The following TRAPPC9 variants were observed in gnomAD, a reference collection of about 807,000 sequenced individuals.
TRAPPC9 encodes IKK2 binding protein.
TRAPPC9 carries 83 observed loss-of-function variants against 124.0 expected under a neutral mutation model. The ratio of observed to expected loss-of-function variants is 0.67; its 90% CI spans 0.56 to 0.80. TRAPPC9 has a LOEUF of 0.80. TRAPPC9 is among the 30% of genes least tolerant of loss of function. The pLI is 0.00. For synonymous variants in TRAPPC9, 638 were observed against 617.5 expected (o/e 1.03, Z -0.49); for missense variants, 1,302 against 1,508.3 (o/e 0.86, Z 2.27).
chr8:140,388,128 A>C (rs1348639977), intron 7 of TRAPPC9, among the ~76,000 whole-genome samples: 1 of 151,190 alleles, frequency 6.6e-6, no homozygotes, highest in Non-Finnish European at 1.5e-5. Flanking sequence ...CAAGGACAAA[A>C]AAACAAACAC....
intron 21 of TRAPPC9, among the ~76,000 whole-genome samples, chr8:139,767,218 C>G (rs1351721044): frequency 6.6e-6 from 1 of 152,220 alleles, no homozygotes; most frequent in Non-Finnish European, 1.5e-5. Context: ...GGCGTAGGGA[C>G]TAGCCCACAT....
intron 17 of TRAPPC9, among the ~76,000 whole-genome samples, chr8:140,120,424 T>G (rs2060962051): frequency 6.6e-6 from 1 of 152,226 alleles, no homozygotes; most frequent in Non-Finnish European, 1.5e-5. Context: ...TATAGAGTGC[T>G]TCTCCCAGGA....
intron 16 of TRAPPC9, among the ~76,000 whole-genome samples, chr8:140,227,635 G>A (rs1248076807): frequency 6.6e-6 from 1 of 152,172 alleles, no homozygotes; most frequent in Non-Finnish European, 1.5e-5. Context: ...GATGACAATT[G>A]GGGAAAATGA....
At chr8:140,079,701 G>A (rs1843708523) in intron 17 of TRAPPC9, among the ~76,000 whole-genome samples, 1 of 152,198 alleles carries the variant, frequency 6.6e-6, no homozygotes, top group Admixed American at 6.5e-5. Flanking sequence ...GAGGCCAAGA[G>A]GGCGGATTGC....
At chr8:139,750,450 T>C (rs1483216255) in intron 21 of TRAPPC9, among the ~76,000 whole-genome samples, 1 of 152,192 alleles carries the variant, frequency 6.6e-6, no homozygotes, top group Non-Finnish European at 1.5e-5. Flanking sequence ...TTGTATTTAT[T>C]GCTGGGTCTC....
chr8:140,365,441 T>C (rs140000465), intron 8 of TRAPPC9, among the ~76,000 whole-genome samples: 2 of 152,328 alleles, frequency 1.3e-5, no homozygotes, highest in African/African-American at 4.8e-5. Context: ...TGAAGCCATT[T>C]ACCATGAGGC....
intron 21 of TRAPPC9, among the ~76,000 whole-genome samples, chr8:139,798,944 G>C (rs753989423): frequency 6.6e-6 from 1 of 151,938 alleles, no homozygotes; most frequent in African/African-American, 2.4e-5. Context: ...CAAGCTTTTC[G>C]GGGCCACTGG....
chr8:140,120,622 GTCCAACA>G (rs2060966923), intron 17 of TRAPPC9, among the ~76,000 whole-genome samples: 2 of 107,540 alleles, frequency 1.9e-5, no homozygotes, highest in South Asian at 3.3e-4. Context: ...CCATCCATCC[GTCCAACA>G]TCCAACATCC....
chr8:140,365,798 G>C (rs1368191864), intron 8 of TRAPPC9, among the ~76,000 whole-genome samples: 1 of 152,202 alleles, frequency 6.6e-6, no homozygotes, highest in Non-Finnish European at 1.5e-5. Flanking sequence ...TTTAAGTTCA[G>C]GGCTACAAGT....
chr8:139,897,990 T>C (rs1161233461), intron 20 of TRAPPC9, among the ~76,000 whole-genome samples: 1 of 152,274 alleles, frequency 6.6e-6, no homozygotes. Flanking sequence ...TGAAGTTTTC[T>C]GGGGGACGAC....
intron 20 of TRAPPC9, among the ~76,000 whole-genome samples, chr8:139,905,559 G>A (rs1404884823): frequency 1.3e-5 from 2 of 152,122 alleles, no homozygotes; most frequent in Non-Finnish European, 2.9e-5. Flanking sequence ...GAAGCAGAGA[G>A]AGAAGGTGGC....
chr8:140,230,435 C>T (rs960851482), intron 16 of TRAPPC9, among the ~76,000 whole-genome samples: 1 of 152,050 alleles, frequency 6.6e-6, no homozygotes, highest in Non-Finnish European at 1.5e-5. Flanking sequence ...ATGGTGAAAC[C>T]CTGTCTCTAC....
At chr8:139,801,010 C>G (rs1472635598) in intron 21 of TRAPPC9, among the ~76,000 whole-genome samples, 5 of 150,736 alleles carry the variant, frequency 3.3e-5, no homozygotes, top group African/African-American at 1.2e-4. Context: ...TTCCCTCCCT[C>G]CGGCATCTTC....
intron 18 of TRAPPC9, among the ~76,000 whole-genome samples, chr8:140,023,523 A>T (rs1420881768): frequency 6.6e-6 from 1 of 152,210 alleles, no homozygotes; most frequent in Admixed American, 6.5e-5. Flanking sequence ...TCTTATGGGG[A>T]TGCCAGGAAT....
Position 139,800,633 on chromosome 8 carries a change from C to T in TRAPPC9, c.3056-68431G>A, listed in dbSNP as rs369586979. ...GGCAGGTTTTTCATCTGTATGGAGA[C>T]GGGACTCCAAGACATTCAGTCGCTG... On this transcript the variant is annotated intron_variant, in intron 21 of 22. Coordinates refer to ENST00000438773, the MANE Select transcript of TRAPPC9 (RefSeq NM_001160372.4). Among the ~76,000 whole-genome samples, 11 of 152,270 alleles carry T rather than the reference C, an allele frequency of 7.2e-5. 1 individual carries two copies. The highest frequency in any genetic ancestry group is 1.9e-4 in the African/African-American group (8 of 41,560).
chr8:140,248,828 GAAGAT>G (rs375033916), intron 16 of TRAPPC9, among the ~76,000 whole-genome samples: 6 of 152,276 alleles, frequency 3.9e-5, no homozygotes, highest in African/African-American at 1.4e-4. Context: ...CCAAGAATTT[GAAGAT>G]AAGGTAAATA....
intron 19 of TRAPPC9, among the ~76,000 whole-genome samples, chr8:139,953,491 C>CA (rs1212251809): frequency 2.3e-4 from 34 of 151,094 alleles, no homozygotes; most frequent in South Asian, 4.2e-4. Context: ...GACTCTGTCT[C>CA]AAAAAAAATG....
chr8:140,302,126 C>G (rs1442891344), intron 10 of TRAPPC9, among the ~76,000 whole-genome samples: 1 of 152,252 alleles, frequency 6.6e-6, no homozygotes, highest in Non-Finnish European at 1.5e-5. Flanking sequence ...TTCCAGCCTG[C>G]TCTGTGCAAA....
At chr8:140,454,900 A>G (rs533382281) in intron 1 of TRAPPC9, among the ~76,000 whole-genome samples, 32 of 150,726 alleles carry the variant, frequency 2.1e-4, no homozygotes, top group African/African-American at 7.8e-4. Flanking sequence ...AGATCACACC[A>G]CTGCACTCCA....
Sources: gnomAD v4.1 joint callset for allele counts (sites outside exome capture counted in the v4.1 genomes callset) on GRCh38, gnomAD v4.1.1 for gene constraint, MANE v1.5 for transcripts, NCBI Gene and HGNC (gene_info 2026-07-23, HGNC 2026-07-21) for gene names.